The following MICA variants were observed in gnomAD, a reference collection of about 807,000 sequenced individuals.
The protein encoded by MICA is HLA class I antigen.
A neutral mutation model predicts 34.3 loss-of-function variants in MICA; 18 were observed. The observed-to-expected ratio is 0.52, with a 90% confidence interval of 0.36 to 0.78. The LOEUF is 0.78. MICA is among the 30% of genes least tolerant of loss of function. The pLI, the probability that MICA is intolerant of heterozygous loss-of-function variation, is 0.00. For missense variants in MICA, 333 were observed against 409.4 expected (o/e 0.81, Z 1.61); for synonymous variants, 135 against 156.9 (o/e 0.86, Z 1.04).
intron 1 of MICA, among the ~76,000 whole-genome samples, chr6:31,407,142 T>G (rs1241554848): frequency 2.6e-5 from 4 of 151,902 alleles, no homozygotes; most frequent in Non-Finnish European, 5.9e-5. Flanking sequence ...TTACTTTGGG[T>G]AGTATGGATA....
At position 31,411,958 on chromosome 6, in the gene MICA, GT is replaced by G. The variant is rs1193770976; in HGVS notation, c.626del (p.Val209GlyfsTer15). On this transcript the variant is annotated frameshift_variant, in exon 4 of 6. Transcript: ENST00000449934. LOFTEE classifies it high-confidence loss of function. The surrounding 1 kb of genome is among the most constrained non-coding windows in gnomAD (Gnocchi z 4.3). ...VVLRRTVPPM[V>X]NVTRSEASEG... is the part of the protein sequence containing the mutation. ...CCTTTCTTCTCCAGTGCCCCCCATG[GT>G]GAATGTCACCCGCAGCGAGGCCTCA... The G allele has an allele frequency of 6.2e-6, 10 of 1,612,516 alleles. No homozygotes were observed. The highest frequency in any genetic ancestry group is 8.5e-6 in the Non-Finnish European group (10 of 1,179,392).
chr6:31,414,498 G>A (rs1275230933), intron 5 of MICA, among the ~76,000 whole-genome samples: 3 of 151,986 alleles, frequency 2.0e-5, no homozygotes, highest in Non-Finnish European at 2.9e-5. Flanking sequence ...GGCCTGCTGG[G>A]CCCCCCAGGC....
At chr6:31,409,066 A>G (rs1770913070) in intron 1 of MICA, among the ~76,000 whole-genome samples, 2 of 151,788 alleles carry the variant, frequency 1.3e-5, no homozygotes, top group Admixed American at 1.3e-4. Context: ...AAGTTGTAGT[A>G]TGGGTCAGAA....
chr6:31,415,261 T>C lies in MICA; in HGVS notation c.*279T>C. The C allele has an allele frequency of 1.8e-6, 1 of 546,650 alleles. No homozygotes were observed. The highest frequency in any genetic ancestry group is 3.3e-6 in the Non-Finnish European group (1 of 301,408). 33.9% of individuals were successfully genotyped at this position (546,650 alleles called of 1,614,324 possible). ...AAATAAAAGCACTTATTTATTGTTGTTGGAGGCTGCAAAATGTTAGTAGAT... is the reference window on the plus strand; with the variant it reads ...AAATAAAAGCACTTATTTATTGTTGCTGGAGGCTGCAAAATGTTAGTAGAT... On this transcript the variant is annotated 3_prime_UTR_variant, in exon 6 of 6. Transcript: ENST00000449934.
rs1170457960 is a variant in MICA at position 31,403,627 on chromosome 6, G to A, written c.-6G>A. On this transcript the variant is annotated 5_prime_UTR_variant, in exon 1 of 6. Transcript: ENST00000449934. The surrounding 1 kb of genome is among the most constrained non-coding windows in gnomAD (Gnocchi z 4.7). The stretch of plus-strand genomic sequence containing the variant: ...GAGCCGCTGAGAGGGTGGCGACGTC[G>A]GGGCCATGGGGCTGGGCCCGGTCTT... 2.0e-6 allele frequency: 3 copies of A among 1,506,160 alleles called. No individual in the cohort carries two copies. In the East Asian group the frequency reaches 8.3e-5, roughly 42 times the overall value. The allele number at this position is 1,506,160 out of a possible 1,614,324, so 93.3% of individuals were successfully genotyped here. A position where few individuals can be genotyped will look rare whatever the true frequency, so the allele number is the denominator to read the frequency against.
rs191273938 is a variant in MICA, at chr6:31,406,241, A to T, written c.70+2539A>T. Among the ~76,000 whole-genome samples the T allele has an allele frequency of 3.2e-4, 48 of 151,578 alleles. 1 individual carries two copies. Among genetic ancestry groups the T allele is most frequent in the Admixed American group, 3.0e-3 (46 of 15,120 alleles). On this transcript the variant is annotated intron_variant, in intron 1 of 5. Transcript: ENST00000449934. ...TCCTTATTGCCTGTCTTCTGGATAAAAGCCAGTTTATCTGGGGTGGGATGT... is the reference window on the plus strand; with the variant it reads ...TCCTTATTGCCTGTCTTCTGGATAATAGCCAGTTTATCTGGGGTGGGATGT...
chr6:31,414,748 C>T (rs1435962617), intron 5 of MICA, among the ~76,000 whole-genome samples: 1 of 151,876 alleles, frequency 6.6e-6, no homozygotes, highest in African/African-American at 2.4e-5. Flanking sequence ...CCTCTTGGGT[C>T]TTGTCCTTTA....
upstream of MICA, among the ~76,000 whole-genome samples, chr6:31,403,428 C>T (rs1770554390): frequency 6.6e-6 from 1 of 151,990 alleles, no homozygotes; most frequent in Admixed American, 6.6e-5. The surrounding 1 kb of genome is among the most constrained non-coding windows in gnomAD (Gnocchi z 4.7). Flanking sequence ...CAGGTCCCGC[C>T]TTCTAAATCT....
At position 31,412,177 on chromosome 6, in the gene MICA, TG is replaced by T. The variant is rs1474607056; in HGVS notation, c.845del (p.Cys282SerfsTer104). On this transcript the variant is annotated frameshift_variant, in exon 4 of 6. Coordinates refer to ENST00000449934, the MANE Select transcript of MICA (RefSeq NM_001177519.3). LOFTEE classifies it high-confidence loss of function. ...CCGAGGAGAGGAGCAGAGGTTCACC[TG>T]CTACATGGAACACAGCGGGAATCAC... ...ICRGEEQRFT[C>X]YMEHSGNHST... 1 of 1,612,370 alleles carries T rather than the reference TG, an allele frequency of 6.2e-7. No homozygotes were observed. The highest frequency in any genetic ancestry group is 1.1e-5 in the South Asian group (1 of 90,938).
chr6:31,412,706 G>C (rs138032484), intron 5 of MICA, among the ~76,000 whole-genome samples: 146 of 152,000 alleles, frequency 9.6e-4, no homozygotes, highest in African/African-American at 3.4e-3. Flanking sequence ...CAGCAGGGAG[G>C]GCTGCGGCGC....
Position 31,410,742 on chromosome 6 carries a change from AG to A in MICA, c.273del (p.Asn92ThrfsTer7). On this transcript the variant is annotated frameshift_variant, in exon 2 of 6. Transcript: ENST00000449934. LOFTEE classifies it high-confidence loss of function. ...GGGACAGAGAGACCAGGGACTTGAC[AG>A]GGAACGGAAAGGACCTCAGGATGAC... The part of the protein sequence containing the change: ...TWDRETRDLT[G>X]NGKDLRMTLA... 2 of 1,598,418 alleles carry A rather than the reference AG, an allele frequency of 1.3e-6. No individual in the cohort carries two copies. Among genetic ancestry groups the A allele is most frequent in the Non-Finnish European group, 1.7e-6 (2 of 1,172,710 alleles).
intron 1 of MICA, among the ~76,000 whole-genome samples, chr6:31,409,933 T>G (rs1487266292): frequency 6.7e-6 from 1 of 150,162 alleles, no homozygotes; most frequent in Non-Finnish European, 1.5e-5. Context: ...TCCTGGGGCC[T>G]TGTCATGCTA....
intron 1 of MICA, among the ~76,000 whole-genome samples, chr6:31,406,505 G>A (rs1770759010): frequency 6.6e-6 from 1 of 151,484 alleles, no homozygotes; most frequent in South Asian, 2.1e-4. Flanking sequence ...ATTCTTGGAT[G>A]GTCTCTTCAT....
At chr6:31,414,515 A>G (rs1035730783) in intron 5 of MICA, among the ~76,000 whole-genome samples, 3 of 151,860 alleles carry the variant, frequency 2.0e-5, no homozygotes, top group African/African-American at 7.3e-5. Context: ...AGGCTTCCTG[A>G]TGGGGTCCCC....
intron 1 of MICA, among the ~76,000 whole-genome samples, chr6:31,407,685 G>A (rs576281113): frequency 3.6e-4 from 55 of 151,880 alleles, no homozygotes; most frequent in Middle Eastern, 3.4e-3. Context: ...ACTGATTTTT[G>A]CATGTTGATT....
intron 1 of MICA, among the ~76,000 whole-genome samples, chr6:31,404,347 C>A (rs959239279): frequency 3.3e-5 from 5 of 151,506 alleles, no homozygotes; most frequent in Non-Finnish European, 7.4e-5. Context: ...CTCCGAGGGT[C>A]CTCTCCTCTC....
rs17200221 is a variant in MICA at position 31,410,824 on chromosome 6, C to A, written c.325+27C>A. On this transcript the variant is annotated intron_variant, in intron 2 of 5. Coordinates refer to ENST00000449934, the MANE Select transcript of MICA (RefSeq NM_001177519.3). Reference sequence around the variant, plus strand: ...TGAGAGTCGGCAGGGGCAAGAGTGACTGGAGAGGCCTTTTCCAGAAAAGTT... The same window carrying A: ...TGAGAGTCGGCAGGGGCAAGAGTGAATGGAGAGGCCTTTTCCAGAAAAGTT... 1.3e-6 allele frequency: 2 copies of A among 1,543,140 alleles called. 1 individual carries two copies. Among genetic ancestry groups the A allele is most frequent in the South Asian group, 2.4e-5 (2 of 83,280 alleles).
Position 31,411,310 on chromosome 6 carries a change from G to A in MICA, c.564G>A (p.Leu188=), listed in dbSNP as rs778187141. ...ATCACGCTATGCATGCAGACTGCCT[G>A]CAGGAACTACGGCGATATCTAGAAT... ...THYHAMHADC[L]QELRRYLESG... is the part of the protein sequence containing the mutation. The change falls in exon 3 of 6, where the codon CTG becomes CTA. Residue 188 remains leucine, a synonymous_variant. Coordinates refer to ENST00000449934, the MANE Select transcript of MICA (RefSeq NM_001177519.3). The surrounding 1 kb of genome is among the most constrained non-coding windows in gnomAD (Gnocchi z 4.3). 6.2e-7 allele frequency: 1 copy of A among 1,601,742 alleles called. No homozygotes were observed. Among genetic ancestry groups the A allele is most frequent in the Non-Finnish European group, 8.5e-7 (1 of 1,174,842 alleles).
At chr6:31,407,276 G>A (rs1018996974) in intron 1 of MICA, among the ~76,000 whole-genome samples, 5 of 151,854 alleles carry the variant, frequency 3.3e-5, no homozygotes, top group African/African-American at 1.2e-4. Context: ...CACTCTTGTT[G>A]CCCAGGCTAG....
Sources: allele counts gnomAD v4.1 joint callset (sites outside exome capture counted in the v4.1 genomes callset), GRCh38; gene constraint gnomAD v4.1.1; non-coding constraint Gnocchi (gnomAD v3.1); transcripts MANE v1.5; gene names NCBI Gene and HGNC (gene_info 2026-07-23, HGNC 2026-07-21).